STAU1: variants seen among roughly 807,000 people sequenced by gnomAD.
STAU1 encodes the protein double-stranded RNA-binding protein Staufen homolog 1.
Under a neutral mutation model 62.9 loss-of-function variants are expected in STAU1, and 13 were observed. The ratio of observed to expected loss-of-function variants is 0.21; its 90% CI spans 0.13 to 0.33. STAU1 has a LOEUF of 0.33. Ranked by LOEUF, STAU1 falls within the 10% of genes least tolerant of loss-of-function variation. The pLI is 1.00. For synonymous variants in STAU1, 269 were observed against 265.1 expected (o/e 1.01, Z -0.14); for missense variants, 571 against 712.1 (o/e 0.80, Z 2.25).
the STAU1 span, among the ~76,000 whole-genome samples, chr20:49,204,399 C>T: frequency 6.6e-6 from 1 of 151,340 alleles, no homozygotes; most frequent in Non-Finnish European, 1.5e-5. Context: ...GAATGGTTCA[C>T]CTATATTTAC....
chr20:49,170,906 A>C (rs1311974420), intron 2 of STAU1, among the ~76,000 whole-genome samples: 1 of 152,226 alleles, frequency 6.6e-6, no homozygotes, highest in South Asian at 2.1e-4. Context: ...AATCTGATGT[A>C]AGATGGATAT....
the STAU1 span, among the ~76,000 whole-genome samples, chr20:49,218,450 C>A: frequency 6.6e-6 from 1 of 152,044 alleles, no homozygotes; most frequent in Admixed American, 6.5e-5. Context: ...TGGTCTCGAT[C>A]TCCTGACCTC....
At chr20:49,134,308 G>A (rs1230065150) in intron 6 of STAU1, among the ~76,000 whole-genome samples, 1 of 151,938 alleles carries the variant, frequency 6.6e-6, no homozygotes, top group Non-Finnish European at 1.5e-5. Context: ...GCGTATGCCT[G>A]TAATCCCAGC....
intron 1 of STAU1, among the ~76,000 whole-genome samples, chr20:49,184,917 G>A (rs916306015): frequency 5.3e-5 from 8 of 151,982 alleles, no homozygotes; most frequent in African/African-American, 9.7e-5. Flanking sequence ...AACTATTCAC[G>A]ACCAGAAATT....
Position 49,164,144 on chromosome 20 carries a change from C to T in STAU1, c.205+1853G>A, listed in dbSNP as rs1481966357. On this transcript the variant is annotated intron_variant, in intron 3 of 13. Transcript: ENST00000371856. ...ACTCGGGAGGCTGAGGCAGGAGAAT[C>T]GCTTGAACCCAGGAGCCAGAGGTTG... is the stretch of plus-strand genomic sequence containing the variant. Among the ~76,000 whole-genome samples the T allele has an allele frequency of 2.0e-5, 3 of 151,930 alleles. No homozygotes were observed. The East Asian group carries it at 5.9e-4, about 30-fold the overall frequency.
At chr20:49,140,121 G>A (rs2092975062) in intron 5 of STAU1, among the ~76,000 whole-genome samples, 1 of 151,954 alleles carries the variant, frequency 6.6e-6, no homozygotes, top group South Asian at 2.1e-4. Flanking sequence ...AGGAGGCGGA[G>A]GTTGCAGTGA....
chr20:49,128,547 G>C (rs6063359), intron 6 of STAU1, among the ~76,000 whole-genome samples: 58,206 of 151,668 alleles, frequency 0.38, 11,261 homozygotes, highest in Middle Eastern at 0.48. Context: ...CTAGAGCAGG[G>C]GAAGTTCAAA....
At chr20:49,194,389 A>G in the STAU1 span, among the ~76,000 whole-genome samples, 2 of 145,500 alleles carry the variant, frequency 1.4e-5, no homozygotes, top group Non-Finnish European at 3.0e-5. Context: ...AAATCGTGCC[A>G]TTGCACTCTA....
chr20:49,166,280 T>C lies in STAU1; in HGVS notation c.-79A>G. 3 of 1,310,418 alleles carry C rather than the reference T, an allele frequency of 2.3e-6. No individual in the cohort carries two copies. The highest frequency in any genetic ancestry group is 3.2e-6 in the Non-Finnish European group (3 of 929,278). The allele number at this position is 1,310,418 out of a possible 1,614,324, so 81.2% of individuals were successfully genotyped here. A position where few individuals can be genotyped will look rare whatever the true frequency, so the allele number is the denominator to read the frequency against. ...TAATTCAGTGCTATGAAGTCTAAAG[T>C]TCTACCTAAAAGTTGTAAGGGAAAG... On this transcript the variant is annotated 5_prime_UTR_variant, in exon 3 of 14. Coordinates refer to ENST00000371856, the MANE Select transcript of STAU1 (RefSeq NM_017453.4).
chr20:49,166,336 T>C (rs1273321682), intron 2 of STAU1, 51 bp from the exon 3 acceptor site: 25 of 719,126 alleles, frequency 3.5e-5, no homozygotes, highest in African/African-American at 5.4e-5. Flanking sequence ...AGAGGAGATA[T>C]GTAATTGCCA....
At chr20:49,199,728 A>C in the STAU1 span, among the ~76,000 whole-genome samples, 2 of 151,404 alleles carry the variant, frequency 1.3e-5, no homozygotes, top group African/African-American at 4.9e-5. Flanking sequence ...GCCTGCCACC[A>C]CGCCCAGCTA....
intron 3 of STAU1, among the ~76,000 whole-genome samples, chr20:49,161,099 G>A (rs1440523317): frequency 1.3e-5 from 2 of 151,790 alleles, no homozygotes; most frequent in Non-Finnish European, 2.9e-5. Flanking sequence ...CAGGCAGATT[G>A]TTTGAGCCCA....
chr20:49,157,374 A>C (rs1440981803), intron 3 of STAU1, among the ~76,000 whole-genome samples: 1 of 151,982 alleles, frequency 6.6e-6, no homozygotes, highest in African/African-American at 2.4e-5. Flanking sequence ...GCTGGAGCTC[A>C]AATGGCACAA....
chr20:49,210,221 G>C, the STAU1 span, among the ~76,000 whole-genome samples: 323 of 152,196 alleles, frequency 2.1e-3, 2 homozygotes, highest in African/African-American at 7.5e-3. Flanking sequence ...TGAATTCCAT[G>C]AGTTCCTTTT....
Position 49,134,230 on chromosome 20 carries a change from G to A in STAU1, c.609+1603C>T, listed in dbSNP as rs184414290. Among the ~76,000 whole-genome samples the A allele has an allele frequency of 2.6e-5, 4 of 151,934 alleles. No homozygotes were observed. In the South Asian group the frequency reaches 6.2e-4, roughly 24 times the overall value. On this transcript the variant is annotated intron_variant, in intron 6 of 13. Coordinates refer to ENST00000371856, the MANE Select transcript of STAU1 (RefSeq NM_017453.4). ...GTGGATCACCTGAGGTTAGGAGTTC[G>A]AGACCAGCCTGACCAATATGGAGAA...
At chr20:49,143,985 T>C (rs2093067381) in intron 5 of STAU1, among the ~76,000 whole-genome samples, 1 of 152,228 alleles carries the variant, frequency 6.6e-6, no homozygotes, top group Non-Finnish European at 1.5e-5. Flanking sequence ...TTAACAGGAC[T>C]TCAGATTCTT....
chr20:49,126,588 C>CAAAAAAAAAAAAAAAAAAAA, intron 6 of STAU1, among the ~76,000 whole-genome samples: 1 of 56,346 alleles, frequency 1.8e-5, no homozygotes, highest in African/African-American at 6.4e-5. Context: ...AAAAAAAAAA[C>CAAAAAAAAAAAAAAAAAAAA]AAAAAAAAAA....
At chr20:49,208,970 C>T in the STAU1 span, among the ~76,000 whole-genome samples, 1 of 150,946 alleles carries the variant, frequency 6.6e-6, no homozygotes, top group Non-Finnish European at 1.5e-5. Flanking sequence ...GTGTCTTACT[C>T]TGTCACCCAT....
At chr20:49,213,607 A>G in the STAU1 span, among the ~76,000 whole-genome samples, 1 of 152,308 alleles carries the variant, frequency 6.6e-6, no homozygotes, top group East Asian at 1.9e-4. Context: ...TACTTACCCA[A>G]TTAATTAATT....
Sources: allele counts gnomAD v4.1 joint callset (sites outside exome capture counted in the v4.1 genomes callset), GRCh38; gene constraint gnomAD v4.1.1; transcripts MANE v1.5; gene names NCBI Gene and HGNC (gene_info 2026-07-23, HGNC 2026-07-21).